The following PARP8 variants were observed in gnomAD, a reference collection of about 807,000 sequenced individuals.
PARP8 encodes poly(ADP-ribose) polymerase family member 8.
Under a neutral mutation model 124.1 loss-of-function variants are expected in PARP8, and 51 were observed. That is an observed-to-expected ratio of 0.41 (90% CI 0.33 to 0.52). The LOEUF (loss-of-function observed/expected upper bound fraction) is 0.52. Among genes scored for constraint, PARP8 ranks in the 20% least tolerant of loss-of-function variants. PARP8 has a pLI of 0.21. For missense variants in PARP8, 860 were observed against 1,018.9 expected (o/e 0.84, Z 2.12); for synonymous variants, 391 against 361.5 (o/e 1.08, Z -0.93).
At chr5:50,697,275 A>G (rs1753137285) in intron 2 of PARP8, among the ~76,000 whole-genome samples, 1 of 152,218 alleles carries the variant, frequency 6.6e-6, no homozygotes, top group South Asian at 2.1e-4. Flanking sequence ...AACAAAAAAA[A>G]AGAATGAGTC....
chr5:50,741,528 A>G (rs1758039676), intron 2 of PARP8, among the ~76,000 whole-genome samples: 1 of 152,224 alleles, frequency 6.6e-6, no homozygotes, highest in Non-Finnish European at 1.5e-5. Context: ...CTTACTTAGA[A>G]GTCCAGACAT....
chr5:50,844,215 A>G lies in PARP8; in HGVS notation c.*2147A>G, dbSNP rs73104807. 171 of 151,974 alleles carry G rather than the reference A, an allele frequency of 1.1e-3. 1 individual carries two copies. The highest frequency in any genetic ancestry group is 4.0e-3 in the African/African-American group (166 of 41,536). 9.4% of individuals were successfully genotyped at this position (151,974 alleles called of 1,614,324 possible). A position where few individuals can be genotyped will look rare whatever the true frequency, so the allele number is the denominator to read the frequency against. ...AGTAGTTGATAGTTTAATGCTAGGCATCTTTTATGATAATAAAGTAAGATG... is the reference window on the plus strand; with the variant it reads ...AGTAGTTGATAGTTTAATGCTAGGCGTCTTTTATGATAATAAAGTAAGATG... On this transcript the variant is annotated 3_prime_UTR_variant, in exon 26 of 26. Transcript: ENST00000281631.
intron 2 of PARP8, among the ~76,000 whole-genome samples, chr5:50,675,556 G>A (rs576924811): frequency 4.0e-4 from 61 of 152,286 alleles, no homozygotes; most frequent in Non-Finnish European, 7.8e-4. Flanking sequence ...TGATCTGCCC[G>A]CCTCGGCCTC....
chr5:50,834,018 C>T lies in PARP8; in HGVS notation c.2347C>T (p.Arg783Cys), dbSNP rs1271918923. ...ACAGCAATCCCAATTCCTGCAAAGCCGTAACTTAAAATGCATAGCCTTATG... is the reference window on the plus strand; with the variant it reads ...ACAGCAATCCCAATTCCTGCAAAGCTGTAACTTAAAATGCATAGCCTTATG... Reference protein sequence around the residue: ...KGQQSQFLQSRNLKCIALCEV... With the variant: ...KGQQSQFLQSCNLKCIALCEV... Residue 783 changes from arginine (R) to cysteine (C), a missense_variant, in exon 24 of 26, where the codon CGT (arginine) becomes TGT (cysteine). By Grantham distance (180) the Arg-to-Cys change is radical. Transcript: ENST00000281631. 3.7e-6 allele frequency: 6 copies of T among 1,612,262 alleles called. No individual in the cohort carries two copies. The highest frequency in any genetic ancestry group is 1.7e-4 in the Middle Eastern group (1 of 6,048).
At chr5:50,702,945 G>A (rs1383501970) in intron 2 of PARP8, among the ~76,000 whole-genome samples, 2 of 152,140 alleles carry the variant, frequency 1.3e-5, no homozygotes, top group Admixed American at 6.5e-5. Flanking sequence ...ATGGAGCTTG[G>A]CATCTAAGTG....
intron 2 of PARP8, among the ~76,000 whole-genome samples, chr5:50,677,355 C>T (rs1750753227): frequency 6.7e-6 from 1 of 150,208 alleles, no homozygotes; most frequent in Admixed American, 6.6e-5. Flanking sequence ...AGCTGAAAAG[C>T]GGTCATTACT....
intron 2 of PARP8, among the ~76,000 whole-genome samples, chr5:50,674,902 G>T (rs1579906942): frequency 1.3e-5 from 2 of 152,334 alleles, no homozygotes; most frequent in Admixed American, 1.3e-4. Flanking sequence ...AATATGAGTA[G>T]AACAAAGTAA....
At chr5:50,840,592 T>C (rs1282591569) in intron 25 of PARP8, among the ~76,000 whole-genome samples, 1 of 151,828 alleles carries the variant, frequency 6.6e-6, no homozygotes, top group Non-Finnish European at 1.5e-5. Flanking sequence ...GGATCGGAGA[T>C]AGAGCTTTAG....
intron 2 of PARP8, among the ~76,000 whole-genome samples, chr5:50,696,649 A>G (rs1035649754): frequency 6.6e-6 from 1 of 151,952 alleles, no homozygotes; most frequent in Non-Finnish European, 1.5e-5. Context: ...TTGCATCTTC[A>G]TTTTGAAAAG....
intron 3 of PARP8, among the ~76,000 whole-genome samples, chr5:50,759,198 T>C (rs1018883879): frequency 1.3e-5 from 2 of 152,112 alleles, no homozygotes; most frequent in African/African-American, 4.8e-5. Context: ...GGACTACAGG[T>C]GTGAGCCACT....
rs1748312672 is a variant in PARP8, at chr5:50,842,890, T to A, written c.*822T>A. 6.6e-6 allele frequency: 1 copy of A among 151,730 alleles called. No individual in the cohort carries two copies. Among genetic ancestry groups the A allele is most frequent in the African/African-American group, 2.4e-5 (1 of 41,384 alleles). 9.4% of individuals were successfully genotyped at this position (151,730 alleles called of 1,614,324 possible). A position where few individuals can be genotyped will look rare whatever the true frequency, so the allele number is the denominator to read the frequency against. On this transcript the variant is annotated 3_prime_UTR_variant, in exon 26 of 26. Coordinates refer to ENST00000281631, the MANE Select transcript of PARP8 (RefSeq NM_024615.4). The stretch of plus-strand genomic sequence containing the variant: ...CTTTTAAAATGTTATCTAAAAGTCA[T>A]AATTTGGGGAACATACATGGCCTGG...
chr5:50,768,394 C>T (rs1432658252), intron 7 of PARP8, among the ~76,000 whole-genome samples: 1 of 151,854 alleles, frequency 6.6e-6, no homozygotes, highest in Non-Finnish European at 1.5e-5. Flanking sequence ...AATCAAATTA[C>T]CAGATTTCAA....
At chr5:50,739,731 TA>T (rs71287146) in intron 2 of PARP8, among the ~76,000 whole-genome samples, 16,217 of 60,096 alleles carry the variant, frequency 0.27, 2,125 homozygotes, top group East Asian at 0.42. Context: ...TATATATATA[TA>T]TTTTTTTTTT....
intron 20 of PARP8, 78 bp from the exon 21 acceptor site, chr5:50,828,234 A>G: frequency 7.0e-7 from 1 of 1,419,876 alleles, no homozygotes; most frequent in South Asian, 1.2e-5. Context: ...AGAAGGCACC[A>G]TGACTTATTA....
chr5:50,670,943 C>T (rs530496245), intron 2 of PARP8, among the ~76,000 whole-genome samples: 5 of 152,226 alleles, frequency 3.3e-5, no homozygotes, highest in African/African-American at 7.2e-5. Flanking sequence ...GCTATATATA[C>T]GGTAAGATTA....
Position 50,833,961 on chromosome 5 carries a change from A to G in PARP8, c.2308-18A>G. 1 of 1,606,342 alleles carries G rather than the reference A, an allele frequency of 6.2e-7. No homozygotes were observed. On this transcript the variant is annotated intron_variant, in intron 23 of 25. Transcript: ENST00000281631. The stretch of plus-strand genomic sequence containing the variant: ...TGTTTCATTCTGACTCTAAGTTTTA[A>G]TTGTTTTTGGAATTTAGTCACAGAA...
At chr5:50,837,790 T>C (rs1216533049) in intron 25 of PARP8, among the ~76,000 whole-genome samples, 1 of 150,498 alleles carries the variant, frequency 6.6e-6, no homozygotes, top group Non-Finnish European at 1.5e-5. Context: ...AAGGAAGATA[T>C]CAATTAAAAA....
At chr5:50,753,440 A>C (rs1301594204) in intron 3 of PARP8, among the ~76,000 whole-genome samples, 5 of 152,038 alleles carry the variant, frequency 3.3e-5, no homozygotes, top group Non-Finnish European at 5.9e-5. Flanking sequence ...TTATAGCCCC[A>C]AAAATATAAT....
chr5:50,731,379 G>A (rs1041836041), intron 2 of PARP8, among the ~76,000 whole-genome samples: 15 of 152,084 alleles, frequency 9.9e-5, no homozygotes, highest in African/African-American at 3.4e-4. Context: ...TGGTCTGTTG[G>A]ACTTGAGTCA....
Sources: gnomAD v4.1 joint callset for allele counts (sites outside exome capture counted in the v4.1 genomes callset) on GRCh38, gnomAD v4.1.1 for gene constraint, MANE v1.5 for transcripts, NCBI Gene and HGNC (gene_info 2026-07-23, HGNC 2026-07-21) for gene names.